The following DLG2 variants were observed in gnomAD, a reference collection of about 807,000 sequenced individuals.
DLG2 encodes the protein disks large homolog 2.
Under a neutral mutation model 132.5 loss-of-function variants are expected in DLG2, and 45 were observed. The ratio of observed to expected loss-of-function variants is 0.34; its 90% CI spans 0.27 to 0.44. DLG2 has a LOEUF of 0.44. Ranked by LOEUF, DLG2 falls within the 20% of genes least tolerant of loss-of-function variation. The probability of loss-of-function intolerance (pLI) is 1.00; values close to 1 mark genes in which losing one functional copy is unlikely to be tolerated. For missense variants in DLG2, 1,045 were observed against 1,196.9 expected (o/e 0.87, Z 1.87); for synonymous variants, 424 against 419.6 (o/e 1.01, Z -0.13).
intron 4 of DLG2, among the ~76,000 whole-genome samples, chr11:85,275,407 T>C (rs994992231): frequency 5.3e-5 from 8 of 152,202 alleles, no homozygotes; most frequent in African/African-American, 1.9e-4. Context: ...CTTAATCTTA[T>C]ATTACTTACT....
chr11:83,527,843 A>G (rs1206815357), intron 21 of DLG2, among the ~76,000 whole-genome samples: 1 of 152,144 alleles, frequency 6.6e-6, no homozygotes. Flanking sequence ...TAAATCACTA[A>G]ATAGTCATTG....
At chr11:84,648,263 G>A (rs1253999698) in intron 6 of DLG2, among the ~76,000 whole-genome samples, 1 of 152,162 alleles carries the variant, frequency 6.6e-6, no homozygotes, top group African/African-American at 2.4e-5. Flanking sequence ...CATAGAAGAA[G>A]AAACAGGCTG....
At chr11:85,351,747 C>T (rs2083306787) in intron 3 of DLG2, among the ~76,000 whole-genome samples, 2 of 152,180 alleles carry the variant, frequency 1.3e-5, no homozygotes, top group South Asian at 4.1e-4. Flanking sequence ...CCTCGCATCC[C>T]AGGGATGAAG....
intron 4 of DLG2, among the ~76,000 whole-genome samples, chr11:85,231,520 T>C (rs761913620): frequency 2.0e-5 from 3 of 151,984 alleles, no homozygotes; most frequent in Non-Finnish European, 2.9e-5. Flanking sequence ...CAACCTTGTT[T>C]GCTAATCCTA....
At chr11:84,542,965 T>G (rs1176003678) in intron 6 of DLG2, among the ~76,000 whole-genome samples, 2 of 152,180 alleles carry the variant, frequency 1.3e-5, no homozygotes, top group African/African-American at 4.8e-5. Flanking sequence ...AGCTTCTTCC[T>G]TTTTCCATGA....
intron 9 of DLG2, among the ~76,000 whole-genome samples, chr11:84,154,437 G>C (rs1300736582): frequency 6.6e-6 from 1 of 152,154 alleles, no homozygotes. Context: ...ACTCACACCT[G>C]CTGTAGACTT....
At chr11:84,842,717 T>C (rs2080859570) in intron 6 of DLG2, among the ~76,000 whole-genome samples, 1 of 151,798 alleles carries the variant, frequency 6.6e-6, no homozygotes, top group Admixed American at 6.6e-5. Context: ...GATTTTGCAA[T>C]GGAAGAGAAA....
At chr11:84,356,722 T>A (rs2098614357) in intron 7 of DLG2, among the ~76,000 whole-genome samples, 1 of 152,042 alleles carries the variant, frequency 6.6e-6, no homozygotes, top group South Asian at 2.1e-4. Context: ...CAATAACTTC[T>A]ACAAAGAACG....
At chr11:84,448,643 A>T (rs2099042647) in intron 7 of DLG2, among the ~76,000 whole-genome samples, 1 of 151,950 alleles carries the variant, frequency 6.6e-6, no homozygotes, top group African/African-American at 2.4e-5. Context: ...TGTCTATGAA[A>T]ATTTTTCCAG....
At chr11:84,959,268 A>G (rs1195213789) in intron 6 of DLG2, among the ~76,000 whole-genome samples, 1 of 152,202 alleles carries the variant, frequency 6.6e-6, no homozygotes, top group Non-Finnish European at 1.5e-5. Flanking sequence ...GACATCTAAA[A>G]ATGCTATATA....
At chr11:85,150,144 C>T (rs1166934447) in intron 5 of DLG2, among the ~76,000 whole-genome samples, 1 of 151,142 alleles carries the variant, frequency 6.6e-6, no homozygotes, top group Non-Finnish European at 1.5e-5. Context: ...CTCGGCCTCC[C>T]CAGTAGCTGG....
At chr11:84,752,712 TC>T (rs1206664233) in intron 6 of DLG2, among the ~76,000 whole-genome samples, 6 of 86,702 alleles carry the variant, frequency 6.9e-5, no homozygotes, top group Admixed American at 5.9e-4. Context: ...ATGCTATCCC[TC>T]CCCCCTCCCC....
At chr11:84,351,720 A>T (rs2098574015) in intron 7 of DLG2, among the ~76,000 whole-genome samples, 1 of 152,210 alleles carries the variant, frequency 6.6e-6, no homozygotes, top group African/African-American at 2.4e-5. Context: ...TTTGCCAGTA[A>T]TCTTAGGAAA....
intron 3 of DLG2, among the ~76,000 whole-genome samples, chr11:85,318,685 T>C (rs2080853252): frequency 6.6e-6 from 1 of 151,710 alleles, no homozygotes; most frequent in Non-Finnish European, 1.5e-5. Context: ...GAAAGAAAGA[T>C]TTCTAAGAAA....
At chr11:84,620,308 C>A (rs1173399281) in intron 6 of DLG2, among the ~76,000 whole-genome samples, 2 of 151,700 alleles carry the variant, frequency 1.3e-5, no homozygotes, top group African/African-American at 2.4e-5. Flanking sequence ...ATAATCAACA[C>A]CAGACTCATT....
chr11:85,103,350 A>C lies in DLG2; in HGVS notation c.357+8311T>G, dbSNP rs563033069. Reference sequence around the variant, plus strand: ...TGGCGTCTCACACTACCAAATTTCCAACTTACTACAAAGCTACCATAATCA... The same window carrying C: ...TGGCGTCTCACACTACCAAATTTCCCACTTACTACAAAGCTACCATAATCA... On this transcript the variant is annotated intron_variant, in intron 6 of 27. Coordinates refer to ENST00000376104, the MANE Select transcript of DLG2 (RefSeq NM_001142699.3). Among the ~76,000 whole-genome samples the C allele has an allele frequency of 2.6e-5, 4 of 152,066 alleles. No individual in the cohort carries two copies. In the East Asian group the frequency reaches 7.7e-4, roughly 29 times the overall value.
intron 8 of DLG2, among the ~76,000 whole-genome samples, chr11:84,238,042 T>TAAAAAAAAAA (rs71036414): frequency 6.8e-5 from 5 of 73,106 alleles, no homozygotes; most frequent in African/African-American, 1.6e-4. Context: ...AGACTCTGCC[T>TAAAAAAAAAA]AAAAAAAAAA....
At chr11:85,211,663 A>G (rs2082264495) in intron 4 of DLG2, among the ~76,000 whole-genome samples, 1 of 152,158 alleles carries the variant, frequency 6.6e-6, no homozygotes, top group South Asian at 2.1e-4. Flanking sequence ...CAGATAAATT[A>G]TTGGAACTTT....
At chr11:84,140,070 T>C (rs1429460573) in intron 9 of DLG2, among the ~76,000 whole-genome samples, 1 of 152,228 alleles carries the variant, frequency 6.6e-6, no homozygotes, top group South Asian at 2.1e-4. Flanking sequence ...TAGTTTCACC[T>C]GAGTAGGATG....
Sources: gnomAD v4.1 joint callset for allele counts (sites outside exome capture counted in the v4.1 genomes callset) on GRCh38, gnomAD v4.1.1 for gene constraint, MANE v1.5 for transcripts, NCBI Gene and HGNC (gene_info 2026-07-23, HGNC 2026-07-21) for gene names.